The following AMPH variants were observed in gnomAD, a reference collection of about 807,000 sequenced individuals.
The protein encoded by AMPH is amphiphysin (Stiff-Mann syndrome with breast cancer 128kD autoantigen).
Under a neutral mutation model 99.1 loss-of-function variants are expected in AMPH, and 49 were observed. That is an observed-to-expected ratio of 0.49 (90% CI 0.39 to 0.63). AMPH has a LOEUF of 0.63. Ranked by LOEUF, AMPH falls within the 20% of genes least tolerant of loss-of-function variation. The pLI is 0.00. For missense variants in AMPH, 759 were observed against 863.4 expected, an observed-to-expected ratio of 0.88 and a Z score of 1.52; for synonymous variants, 314 against 317.3, an observed-to-expected ratio of 0.99 and a Z score of 0.11.
At chr7:38,442,185 C>A (rs772634193) in intron 11 of AMPH, among the ~76,000 whole-genome samples, 1 of 152,024 alleles carries the variant, frequency 6.6e-6, no homozygotes, top group African/African-American at 2.4e-5. Context: ...GTGATCTGTA[C>A]AACAAACGCC....
chr7:38,440,146 T>C (rs1251833538), intron 11 of AMPH, among the ~76,000 whole-genome samples: 1 of 152,170 alleles, frequency 6.6e-6, no homozygotes, highest in Non-Finnish European at 1.5e-5. Context: ...TCTAATTTTC[T>C]AATCAGTGTT....
chr7:38,571,175 TTA>T (rs1252757644), intron 1 of AMPH, among the ~76,000 whole-genome samples: 3 of 96,174 alleles, frequency 3.1e-5, no homozygotes, highest in African/African-American at 1.3e-4. Context: ...TTATATATTT[TTA>T]TATATGAATA....
chr7:38,587,945 T>C (rs571534643), intron 1 of AMPH, among the ~76,000 whole-genome samples: 4,044 of 142,430 alleles, frequency 0.028, 75 homozygotes, highest in Middle Eastern at 0.08. Flanking sequence ...TGTGTGTGTG[T>C]GTGTGCGCGT....
At chr7:38,429,577 T>A (rs756006372) in intron 14 of AMPH, 12 of 1,452,460 alleles carry the variant, frequency 8.3e-6, no homozygotes, top group Non-Finnish European at 1.1e-5. Flanking sequence ...GAAGAGTCAG[T>A]CTTTAAAGTA....
chr7:38,587,421 TG>T, intron 1 of AMPH, among the ~76,000 whole-genome samples: 1 of 152,314 alleles, frequency 6.6e-6, no homozygotes. Flanking sequence ...GAGTTATCTG[TG>T]GTATTTAAGT....
At position 38,540,692 on chromosome 7, in the gene AMPH, C is replaced by CAAAAAAAAAAAAAAAAAAAA. The variant is rs373768495; in HGVS notation, c.70-5701_70-5682dup. Among the ~76,000 whole-genome samples, 7 of 19,768 alleles carry CAAAAAAAAAAAAAAAAAAAA rather than the reference C, an allele frequency of 3.5e-4. 3 individuals are homozygous for CAAAAAAAAAAAAAAAAAAAA. The highest frequency in any genetic ancestry group is 5.3e-4 in the African/African-American group (3 of 5,666). 13.0% of individuals were successfully genotyped at this position (19,768 alleles called of 152,430 possible). On this transcript the variant is annotated intron_variant, in intron 1 of 20. Transcript: ENST00000356264. ...AGCTATGAGAAGGTGTGACCCCAAGCAAAAAAAAAAAAAAAAAAAAAAAAA... is the reference window on the plus strand; with the variant it reads ...AGCTATGAGAAGGTGTGACCCCAAGCAAAAAAAAAAAAAAAAAAAAAAAAAAAAAAAAAAAAAAAAAAAAA...
chr7:38,620,568 C>A (rs1174879267), intron 1 of AMPH, among the ~76,000 whole-genome samples: 1 of 151,298 alleles, frequency 6.6e-6, no homozygotes, highest in African/African-American at 2.4e-5. Flanking sequence ...CACACACACA[C>A]ACACACACAC....
At chr7:38,628,073 T>G (rs1794320650) in intron 1 of AMPH, among the ~76,000 whole-genome samples, 1 of 152,216 alleles carries the variant, frequency 6.6e-6, no homozygotes, top group South Asian at 2.1e-4. Flanking sequence ...AAAGAATGGT[T>G]GTAACCCTTA....
chr7:38,447,189 T>C (rs553201694), intron 11 of AMPH, among the ~76,000 whole-genome samples: 4 of 152,236 alleles, frequency 2.6e-5, no homozygotes, highest in African/African-American at 9.6e-5. Flanking sequence ...CCAGTCAATT[T>C]TGTATTTTTA....
In AMPH at chr7:38,432,173, G is replaced by C; in HGVS notation, c.1158+16C>G. ...GGATCAAGATACATGAAAAAACAGA[G>C]TTATTAGTGGCTTACCGTCCATAGG... is the stretch of plus-strand genomic sequence containing the variant. On this transcript the variant is annotated intron_variant, in intron 13 of 20. Coordinates refer to ENST00000356264, the MANE Select transcript of AMPH (RefSeq NM_001635.4). 1 of 1,609,498 alleles carries C rather than the reference G, an allele frequency of 6.2e-7. No homozygotes were observed. The highest frequency in any genetic ancestry group is 8.5e-7 in the Non-Finnish European group (1 of 1,175,722).
intron 15 of AMPH, among the ~76,000 whole-genome samples, chr7:38,424,531 A>T (rs761323759): frequency 6.6e-6 from 1 of 152,140 alleles, no homozygotes; most frequent in Non-Finnish European, 1.5e-5. Context: ...TAGTTGGCAG[A>T]GAAAGTAGAG....
At chr7:38,597,424 A>C (rs1040750026) in intron 1 of AMPH, among the ~76,000 whole-genome samples, 1 of 152,170 alleles carries the variant, frequency 6.6e-6, no homozygotes, top group Non-Finnish European at 1.5e-5. Flanking sequence ...ATGCCTCTGA[A>C]TCAGCTCTGC....
Position 38,391,955 on chromosome 7 carries a change from G to T in AMPH, c.1671C>A (p.Asn557Lys). Reference protein sequence around the residue: ...PASNHEEEGENEITIGAEPKE... With the variant: ...PASNHEEEGEKEITIGAEPKE... ...TGGGCTCTGCACCTATAGTTATTTC[G>T]TTTTCTCCTTCCTCTTCATGGTTGG... The change falls in exon 19 of 21, where the codon AAC (asparagine) becomes AAA (lysine). Residue 557 changes from asparagine (N) to lysine (K), a missense_variant. Asn to Lys is a moderately conservative substitution (Grantham distance 94, BLOSUM62 0). Around this residue, in one of 2 missense-constraint regions of AMPH, gnomAD observed 554 missense variants for 575.6 expected, o/e 0.96. Coordinates refer to ENST00000356264, the MANE Select transcript of AMPH (RefSeq NM_001635.4). 6.2e-7 allele frequency: 1 copy of T among 1,611,734 alleles called. No homozygotes were observed. Among genetic ancestry groups the T allele is most frequent in the Non-Finnish European group, 8.5e-7 (1 of 1,179,996 alleles).
intron 2 of AMPH, among the ~76,000 whole-genome samples, chr7:38,525,275 T>TAGAG (rs1209069502): frequency 6.7e-4 from 58 of 86,296 alleles, no homozygotes; most frequent in East Asian, 4.8e-3. Context: ...TATATATATA[T>TAGAG]ATAGAGAGAG....
chr7:38,605,937 G>A (rs76695939), intron 1 of AMPH, among the ~76,000 whole-genome samples: 1,898 of 152,246 alleles, frequency 0.012, 29 homozygotes, highest in African/African-American at 0.042. Context: ...CCCTCAGTGC[G>A]AGTCTATGGC....
intron 2 of AMPH, among the ~76,000 whole-genome samples, chr7:38,523,654 C>T (rs1049479602): frequency 3.9e-5 from 6 of 151,990 alleles, no homozygotes; most frequent in Non-Finnish European, 5.9e-5. Context: ...AAAATTTTTA[C>T]CAGGAGTGAG....
At chr7:38,541,693 T>G (rs1193453517) in intron 1 of AMPH, among the ~76,000 whole-genome samples, 1 of 152,244 alleles carries the variant, frequency 6.6e-6, no homozygotes, top group Non-Finnish European at 1.5e-5. Flanking sequence ...TCACAGCCTC[T>G]GTCCCATTTG....
chr7:38,399,158 AAAAC>A (rs1784773657), intron 17 of AMPH, among the ~76,000 whole-genome samples: 1 of 152,252 alleles, frequency 6.6e-6, no homozygotes, highest in African/African-American at 2.4e-5. Flanking sequence ...ATCTACTTGG[AAAAC>A]AAACAACACT....
intron 2 of AMPH, among the ~76,000 whole-genome samples, chr7:38,523,686 C>T (rs550193275): frequency 2.6e-4 from 39 of 152,006 alleles, no homozygotes; most frequent in Admixed American, 1.8e-3. Context: ...CAACATTTTG[C>T]GAAATGATTG....
Sources: allele counts gnomAD v4.1 joint callset (sites outside exome capture counted in the v4.1 genomes callset), GRCh38; gene constraint gnomAD v4.1.1; regional missense constraint gnomAD v4.1.1; transcripts MANE v1.5; gene names NCBI Gene and HGNC (gene_info 2026-07-23, HGNC 2026-07-21).